DNAI7: variants seen among roughly 807,000 people sequenced by gnomAD.
DNAI7 encodes the protein dynein axonemal intermediate chain 7, also known as cancer susceptibility 1.
Under a neutral mutation model 86.6 loss-of-function variants are expected in DNAI7, and 78 were observed. That is an observed-to-expected ratio of 0.90 (90% CI 0.75 to 1.09). The LOEUF (loss-of-function observed/expected upper bound fraction) is 1.09. Ranked by LOEUF, DNAI7 falls within the 50% of genes least tolerant of loss-of-function variation. DNAI7 has a pLI of 0.00. For missense variants in DNAI7, 753 were observed against 810.2 expected (o/e 0.93, Z 0.86); for synonymous variants, 274 against 273.0 (o/e 1.00, Z -0.04).
intron 2 of DNAI7, among the ~76,000 whole-genome samples, chr12:25,187,163 T>C (rs1950106551): frequency 6.6e-6 from 1 of 152,226 alleles, no homozygotes; most frequent in African/African-American, 2.4e-5. Context: ...CGGCTCCTGA[T>C]TAACCACGGT....
intron 1 of DNAI7, 165 bp downstream of exon 1, chr12:25,194,911 A>G (rs1565868604): frequency 6.2e-7 from 1 of 1,614,146 alleles, no homozygotes; most frequent in East Asian, 2.2e-5. Context: ...AGGTAAGGAA[A>G]GCCATTGCTG....
chr12:25,111,219 C>T (rs1227948294), intron 14 of DNAI7, among the ~76,000 whole-genome samples: 1 of 152,144 alleles, frequency 6.6e-6, no homozygotes, highest in African/African-American at 2.4e-5. Context: ...TATTCTAGGA[C>T]TATGCTAGAT....
chr12:25,164,997 C>A (rs1013300848), intron 2 of DNAI7, among the ~76,000 whole-genome samples: 6 of 152,194 alleles, frequency 3.9e-5, no homozygotes, highest in Non-Finnish European at 7.3e-5. Flanking sequence ...AAGGTTAATG[C>A]TCCTTTTTCT....
chr12:25,111,927 T>C lies in DNAI7; in HGVS notation c.1624A>G (p.Met542Val), dbSNP rs748848797. The C allele has an allele frequency of 5.7e-6, 9 of 1,583,912 alleles. No individual in the cohort carries two copies. The South Asian group carries it at 1.1e-4, about 19-fold the overall frequency. ...TCTTTTAGTTTGATTGAAGATAACA[T>C]GCAGAGGTTTTCCTAGTTTAAATAA... is the stretch of plus-strand genomic sequence containing the variant. ...IQIQIKENLC[M>V]LSSIKLKDKK... The change falls in exon 14 of 16, where the codon ATG becomes GTG. Residue 542 changes from methionine (M) to valine (V), a missense_variant. By Grantham distance (21) the Met-to-Val change is conservative (BLOSUM62 1). Coordinates refer to ENST00000395987, the MANE Select transcript of DNAI7 (RefSeq NM_018272.5).
intron 9 of DNAI7, among the ~76,000 whole-genome samples, chr12:25,132,165 T>C (rs545840448): frequency 3.7e-4 from 56 of 152,254 alleles, no homozygotes; most frequent in Middle Eastern, 6.8e-3. Context: ...TTTCATTTCC[T>C]ATGAGGAAAG....
chr12:25,165,516 T>C (rs372674020), intron 2 of DNAI7, among the ~76,000 whole-genome samples: 2 of 152,148 alleles, frequency 1.3e-5, no homozygotes, highest in African/African-American at 4.8e-5. Flanking sequence ...CACTGAAAAT[T>C]GGACTGTTCA....
chr12:25,156,487 G>A (rs1946188442), intron 4 of DNAI7, among the ~76,000 whole-genome samples: 1 of 152,168 alleles, frequency 6.6e-6, no homozygotes, highest in South Asian at 2.1e-4. Context: ...TGGCGTGGTG[G>A]CTCACATCTG....
intron 6 of DNAI7, among the ~76,000 whole-genome samples, chr12:25,152,334 G>A (rs1285052995): frequency 1.3e-5 from 2 of 152,222 alleles, no homozygotes; most frequent in African/African-American, 4.8e-5. Flanking sequence ...GAGAGGGGAT[G>A]AAGATGAACT....
At chr12:25,173,507 T>C (rs1160652103) in intron 2 of DNAI7, among the ~76,000 whole-genome samples, 1 of 152,054 alleles carries the variant, frequency 6.6e-6, no homozygotes, top group Non-Finnish European at 1.5e-5. Flanking sequence ...CAGGTGGGAA[T>C]GCAAACTAGT....
intron 1 of DNAI7, among the ~76,000 whole-genome samples, chr12:25,192,087 T>C (rs1371351754): frequency 6.6e-6 from 1 of 152,214 alleles, no homozygotes; most frequent in Non-Finnish European, 1.5e-5. Flanking sequence ...TAATTAATGA[T>C]TTACACACAA....
At chr12:25,147,209 A>C in intron 7 of DNAI7, 105 bp from the exon 8 acceptor site, 1 of 617,890 alleles carries the variant, frequency 1.6e-6, no homozygotes, top group Non-Finnish European at 2.9e-6. Context: ...TTTATTAATC[A>C]CCTAAGAGAG....
chr12:25,146,984 A>C lies in DNAI7; in HGVS notation c.689+17T>G. The C allele has an allele frequency of 7.8e-7, 1 of 1,288,378 alleles. No individual in the cohort carries two copies. The highest frequency in any genetic ancestry group is 1.1e-6 in the Non-Finnish European group (1 of 885,082). 79.8% of individuals were successfully genotyped at this position (1,288,378 alleles called of 1,614,324 possible). A position where few individuals can be genotyped will look rare whatever the true frequency, so the allele number is the denominator to read the frequency against. On this transcript the variant is annotated intron_variant, in intron 8 of 15. Coordinates refer to ENST00000395987, the MANE Select transcript of DNAI7 (RefSeq NM_018272.5). ...CTTTCTTTCCACCTACAGGGAAAGT[A>C]TTGCCCACAAGGGTACCTTGGATTC...
intron 12 of DNAI7, among the ~76,000 whole-genome samples, chr12:25,117,395 A>G (rs976795846): frequency 3.9e-5 from 6 of 152,266 alleles, no homozygotes; most frequent in African/African-American, 1.2e-4. Flanking sequence ...CTGTTCCTAA[A>G]TTTTCCATAA....
chr12:25,185,822 C>A (rs182912907), intron 2 of DNAI7: 1 of 876,822 alleles, frequency 1.1e-6, no homozygotes, highest in East Asian at 1.2e-4. Flanking sequence ...CAGACTATAG[C>A]AATAAGCACC....
chr12:25,168,150 A>G (rs912921026), intron 2 of DNAI7, among the ~76,000 whole-genome samples: 1 of 152,052 alleles, frequency 6.6e-6, no homozygotes, highest in African/African-American at 2.4e-5. Context: ...TAGGTACAAG[A>G]CACCTTTTTC....
chr12:25,189,300 G>T (rs1724423046), intron 2 of DNAI7, among the ~76,000 whole-genome samples: 1 of 152,112 alleles, frequency 6.6e-6, no homozygotes, highest in Admixed American at 6.6e-5. Context: ...ACAATAAAAT[G>T]ATAAAGGGTT....
chr12:25,178,288 T>A (rs1374868076), intron 2 of DNAI7, among the ~76,000 whole-genome samples: 1 of 152,206 alleles, frequency 6.6e-6, no homozygotes, highest in Non-Finnish European at 1.5e-5. Flanking sequence ...TAAATGATTA[T>A]AGGACTATTC....
chr12:25,183,677 T>A (rs1357162692), intron 2 of DNAI7, among the ~76,000 whole-genome samples: 1 of 152,084 alleles, frequency 6.6e-6, no homozygotes, highest in Non-Finnish European at 1.5e-5. Flanking sequence ...ACTCAAGCGA[T>A]CCTTCTGCCT....
In DNAI7 at chr12:25,111,758, A is replaced by G; in HGVS notation, c.1779+14T>C. ...AATGCACGCCACATTAAATTTGGAA[A>G]GATTCATTCTTGCCTTATTGTTTAT... On this transcript the variant is annotated intron_variant, in intron 14 of 15. Transcript: ENST00000395987. 3.9e-6 allele frequency: 6 copies of G among 1,521,504 alleles called. No homozygotes were observed. Among genetic ancestry groups the G allele is most frequent in the Non-Finnish European group, 5.3e-6 (6 of 1,134,020 alleles). 94.3% of individuals were successfully genotyped at this position (1,521,504 alleles called of 1,614,324 possible). A position where few individuals can be genotyped will look rare whatever the true frequency, so the allele number is the denominator to read the frequency against.
Sources: gnomAD v4.1 joint callset for allele counts (sites outside exome capture counted in the v4.1 genomes callset) on GRCh38, gnomAD v4.1.1 for gene constraint, MANE v1.5 for transcripts, NCBI Gene and HGNC (gene_info 2026-07-23, HGNC 2026-07-21) for gene names.